The following LRGUK variants were observed in gnomAD, a reference collection of about 807,000 sequenced individuals.
LRGUK encodes leucine-rich repeat and guanylate kinase domain-containing protein.
In LRGUK, 65 loss-of-function variants were observed where a neutral mutation model predicts 76.0. That is an observed-to-expected ratio of 0.85 (90% confidence interval 0.70 to 1.05). LRGUK has a LOEUF of 1.05. Ranked by LOEUF, LRGUK falls within the 50% of genes least tolerant of loss-of-function variation. The pLI, the probability that LRGUK is intolerant of heterozygous loss-of-function variation, is 0.00. For missense variants in LRGUK, 758 were observed against 732.8 expected (o/e 1.03, Z -0.40); for synonymous variants, 268 against 265.6 (o/e 1.01, Z -0.09).
At chr7:134,237,835 G>T (rs1165463436) in intron 16 of LRGUK, among the ~76,000 whole-genome samples, 1 of 152,072 alleles carries the variant, frequency 6.6e-6, no homozygotes, top group African/African-American at 2.4e-5. Flanking sequence ...GGACTTTCAA[G>T]ATTTTTACTT....
chr7:134,183,488 T>C (rs1048431479), intron 10 of LRGUK, among the ~76,000 whole-genome samples: 4 of 152,274 alleles, frequency 2.6e-5, no homozygotes, highest in African/African-American at 4.8e-5. Context: ...ATGTTATATT[T>C]TTCCTTTAAA....
chr7:134,176,805 A>G (rs1047940949), intron 8 of LRGUK, among the ~76,000 whole-genome samples, 172 bp from the exon 9 acceptor site: 2 of 152,228 alleles, frequency 1.3e-5, no homozygotes, highest in South Asian at 4.1e-4. Flanking sequence ...CACAGTCTGC[A>G]TTGAGTTAAT....
intron 3 of LRGUK, among the ~76,000 whole-genome samples, chr7:134,142,420 G>T (rs1338091237): frequency 1.3e-5 from 2 of 152,074 alleles, no homozygotes; most frequent in African/African-American, 2.4e-5. Flanking sequence ...TCCTTTATTA[G>T]CACAGTAGTT....
chr7:134,181,172 T>A (rs569177340), intron 10 of LRGUK, among the ~76,000 whole-genome samples: 1 of 152,318 alleles, frequency 6.6e-6, no homozygotes, highest in Non-Finnish European at 1.5e-5. Flanking sequence ...AAGCTTGTTT[T>A]CTAGTATTTT....
At chr7:134,127,589 G>T (rs540923773) in exon 1 of LRGUK, 1 of 1,614,178 alleles carries the variant, frequency 6.2e-7, no homozygotes, top group African/African-American at 1.3e-5. Context: ...AGCTGGACTC[G>T]GACGGAGATG....
intron 8 of LRGUK, 98 bp downstream of exon 8, chr7:134,174,734 G>C: frequency 1.3e-6 from 1 of 740,926 alleles, no homozygotes; most frequent in Non-Finnish European, 2.4e-6. Flanking sequence ...TTTGATAAAA[G>C]AATATCAGGA....
the LRGUK span, among the ~76,000 whole-genome samples, chr7:134,273,421 C>T: frequency 6.6e-6 from 1 of 152,106 alleles, no homozygotes; most frequent in Non-Finnish European, 1.5e-5. Context: ...GCATAACAGA[C>T]TCTTTATAAG....
chr7:134,237,294 G>A lies in LRGUK; in HGVS notation c.1984-10262G>A, dbSNP rs144313621. Among the ~76,000 whole-genome samples, 611 of 152,026 alleles carry A rather than the reference G, an allele frequency of 4.0e-3. 5 individuals are homozygous for A. The highest frequency in any genetic ancestry group is 0.013 in the African/African-American group (549 of 41,490). ...GGTCTCAAACTCTTGACCTTGCGAC[G>A]CGCCTGCCTGGGCCTCCCAAAGTGC... On this transcript the variant is annotated intron_variant, in intron 16 of 19. Transcript: ENST00000285928.
intron 16 of LRGUK, among the ~76,000 whole-genome samples, chr7:134,244,467 TG>T (rs1371315202): frequency 1.6e-4 from 24 of 152,320 alleles, no homozygotes; most frequent in African/African-American, 5.5e-4. Flanking sequence ...TCATCATTAC[TG>T]GCCATCAGAG....
At chr7:134,190,716 A>C (rs1248487072) in intron 11 of LRGUK, among the ~76,000 whole-genome samples, 3 of 152,190 alleles carry the variant, frequency 2.0e-5, no homozygotes, top group Non-Finnish European at 2.9e-5. Context: ...GCTGTTATCC[A>C]CTTCTCCTGT....
At chr7:134,167,962 C>G (rs2117950) in intron 7 of LRGUK, among the ~76,000 whole-genome samples, 20,049 of 152,168 alleles carry the variant, frequency 0.13, 1,672 homozygotes, top group East Asian at 0.32. Context: ...ACATCTGTTA[C>G]AGTTCACTGG....
At chr7:134,214,167 AATAGATATGTCAAAAAGT>A (rs1228704926), downstream of LRGUK, among the ~76,000 whole-genome samples, 1 of 152,256 alleles carries the variant, frequency 6.6e-6, no homozygotes, top group East Asian at 1.9e-4. Context: ...AAAAATGGCC[AATAGATATGTCAAAAAGT>A]ATTTAACCTC....
intron 16 of LRGUK, among the ~76,000 whole-genome samples, chr7:134,243,877 G>C (rs1439637883): frequency 1.3e-5 from 2 of 152,178 alleles, no homozygotes; most frequent in Admixed American, 1.3e-4. Context: ...GAACAGGATA[G>C]AGCCCTTGGA....
At chr7:134,190,958 G>A (rs984126592) in intron 11 of LRGUK, among the ~76,000 whole-genome samples, 4 of 152,238 alleles carry the variant, frequency 2.6e-5, no homozygotes, top group Non-Finnish European at 5.9e-5. Context: ...TGGTGGGATG[G>A]GGAGGCTATT....
chr7:134,130,842 T>C (rs1231390505), intron 1 of LRGUK, among the ~76,000 whole-genome samples: 1 of 152,230 alleles, frequency 6.6e-6, no homozygotes. Context: ...ATTTAGCCTT[T>C]TGTCAGTTGT....
At chr7:134,270,421 A>G in the LRGUK span, among the ~76,000 whole-genome samples, 1 of 152,134 alleles carries the variant, frequency 6.6e-6, no homozygotes, top group African/African-American at 2.4e-5. Context: ...CCCATAATAT[A>G]TCCACTTTAA....
rs569033883 is a variant in LRGUK, at chr7:134,237,762, G to C, written c.1984-9794G>C. Among the ~76,000 whole-genome samples the C allele has an allele frequency of 3.9e-5, 6 of 152,234 alleles. No individual in the cohort carries two copies. The South Asian group carries it at 1.2e-3, about 32-fold the overall frequency. Reference sequence around the variant, plus strand: ...ACTATTGGGGTGGTTGTCATTTCTAGGTCTTTTATGTGGATAGATAAAATA... The same window carrying C: ...ACTATTGGGGTGGTTGTCATTTCTACGTCTTTTATGTGGATAGATAAAATA... On this transcript the variant is annotated intron_variant, in intron 16 of 19. Transcript: ENST00000285928.
At chr7:134,221,845 A>G in exon 16 of LRGUK, 3 of 1,603,872 alleles carry the variant, frequency 1.9e-6, no homozygotes, top group Non-Finnish European at 2.6e-6. Flanking sequence ...AATATGGGTG[A>G]TTTCCTGCAT....
chr7:134,222,594 GTTTTGTTTTGT>G (rs1005650681), intron 16 of LRGUK, among the ~76,000 whole-genome samples: 6 of 151,142 alleles, frequency 4.0e-5, no homozygotes, highest in Admixed American at 1.3e-4. Context: ...GTTTTTGTTT[GTTTTGTTTTGT>G]TTTTGTTTTG....
Sources: allele counts gnomAD v4.1 joint callset (sites outside exome capture counted in the v4.1 genomes callset), GRCh38; gene constraint gnomAD v4.1.1; transcripts MANE v1.5; gene names NCBI Gene and HGNC (gene_info 2026-07-23, HGNC 2026-07-21).